CRISP2: variants seen among roughly 807,000 people sequenced by gnomAD.
CRISP2 encodes the protein cysteine-rich secretory protein 2.
CRISP2 carries 29 observed loss-of-function variants against 31.7 expected under a neutral mutation model. The ratio of observed to expected loss-of-function variants is 0.92; its 90% CI spans 0.68 to 1.25. The LOEUF (loss-of-function observed/expected upper bound fraction) is 1.25. CRISP2 is among the 50% of genes most tolerant of loss of function. CRISP2 has a pLI of 0.00. For synonymous variants in CRISP2, 111 were observed against 101.4 expected, an observed-to-expected ratio of 1.09 and a Z score of -0.57; for missense variants, 318 against 286.5, an observed-to-expected ratio of 1.11 and a Z score of -0.79.
At chr6:49,695,733 C>T in intron 9 of CRISP2, 103 bp downstream of exon 9, 1 of 971,976 alleles carries the variant, frequency 1.0e-6, no homozygotes, top group Non-Finnish European at 1.5e-6. Context: ...TTCACCAATA[C>T]ATTATTTCAA....
In CRISP2 at chr6:49,695,870, G is replaced by A. The variant is rs371237410; in HGVS notation, c.570C>T (p.Ala190=). 123 of 1,612,892 alleles carry A rather than the reference G, an allele frequency of 7.6e-5. No individual in the cohort carries two copies. Among genetic ancestry groups the A allele is most frequent in the African/African-American group, 1.2e-4 (9 of 74,976 alleles). ...NTPYQQGTPC[A]GCPDDCDKGL... is the part of the protein sequence containing the mutation. ...CTTTGTCACAGTCATCAGGGCAACC[G>A]GCACAAGGTGTTCCTTGTTGGTACG... Residue 190 remains alanine (A), a synonymous_variant, in exon 9 of 10, where the codon GCC becomes GCT. Coordinates refer to ENST00000339139, the MANE Select transcript of CRISP2 (RefSeq NM_003296.4).
rs558511264 is a variant in CRISP2 at position 49,692,754 on chromosome 6, A to G, written c.*19T>C. On this transcript the variant is annotated 3_prime_UTR_variant, in exon 10 of 10. Transcript: ENST00000339139. ...GCAGCCCTTATCCATGCAGTCTTGCACAATGCTCACTAGGTAAATCAGTAA... is the reference window on the plus strand; with the variant it reads ...GCAGCCCTTATCCATGCAGTCTTGCGCAATGCTCACTAGGTAAATCAGTAA... 1 of 1,608,932 alleles carries G rather than the reference A, an allele frequency of 6.2e-7. No homozygotes were observed. The highest frequency in any genetic ancestry group is 1.3e-5 in the African/African-American group (1 of 74,992).
Position 49,692,645 on chromosome 6 carries a change from G to C in CRISP2, c.*128C>G. ...CTGAAAGTGATTTCTGTGATGATCT[G>C]GGGGAGAAGATGCATTGCTCTTTGA... On this transcript the variant is annotated 3_prime_UTR_variant, in exon 10 of 10. Coordinates refer to ENST00000339139, the MANE Select transcript of CRISP2 (RefSeq NM_003296.4). 4.8e-6 allele frequency: 4 copies of C among 838,304 alleles called. No individual in the cohort carries two copies. Among genetic ancestry groups the C allele is most frequent in the Non-Finnish European group, 7.3e-6 (4 of 551,472 alleles). 51.9% of individuals were successfully genotyped at this position (838,304 alleles called of 1,614,324 possible).
chr6:49,698,381 A>G lies in CRISP2; in HGVS notation c.398T>C (p.Val133Ala). The G allele has an allele frequency of 6.2e-7, 1 of 1,613,234 alleles. No individual in the cohort carries two copies. Among genetic ancestry groups the G allele is most frequent in the Admixed American group, 1.7e-5 (1 of 59,860 alleles). ...YGVGPKSPNA[V>A]VGHYTQLVWY... ...TCTTACCTGAGTATAATGTCCAACA[A>G]CTGCATTGGGACTCTTTGGTCCTAC... Residue 133 changes from valine to alanine, a missense_variant, in exon 7 of 10, where the codon GTT (valine) becomes GCT (alanine). Val to Ala is a moderately conservative substitution (Grantham distance 64, BLOSUM62 0). Transcript: ENST00000339139.
At chr6:49,703,859 C>T (rs1054546454) in intron 4 of CRISP2, among the ~76,000 whole-genome samples, 2 of 152,246 alleles carry the variant, frequency 1.3e-5, no homozygotes, top group Middle Eastern at 3.4e-3. Context: ...TGATTAATTT[C>T]CCAGGTGTTC....
chr6:49,698,489 T>G lies in CRISP2; in HGVS notation c.290A>C (p.Asn97Thr). 2 of 1,610,620 alleles carry G rather than the reference T, an allele frequency of 1.2e-6. No homozygotes were observed. Among genetic ancestry groups the G allele is most frequent in the Non-Finnish European group, 1.7e-6 (2 of 1,178,808 alleles). ...AGTAGGGTCACTTGACATATAGAGA[T>G]TCTCACCACATCTTGTACCTAAGGG... ...DRKTSTRCGE[N>T]LYMSSDPTSW... Residue 97 changes from asparagine to threonine, a missense_variant, in exon 7 of 10, where the codon AAT becomes ACT. Coordinates refer to ENST00000339139, the MANE Select transcript of CRISP2 (RefSeq NM_003296.4).
chr6:49,677,598 A>G, the CRISP2 span, among the ~76,000 whole-genome samples: 1 of 152,284 alleles, frequency 6.6e-6, no homozygotes, highest in Non-Finnish European at 1.5e-5. Context: ...GTAGCTTCTT[A>G]TAATGTCCAT....
chr6:49,688,750 GTCTCATATTGATTAAGGTATTA>G (rs1466250475), downstream of CRISP2, among the ~76,000 whole-genome samples: 2 of 152,028 alleles, frequency 1.3e-5, no homozygotes. Context: ...CATTTAAAAA[GTCTCATATTGATTAAGGTATTA>G]TTAGTTGAAT....
At chr6:49,700,534 T>A in intron 5 of CRISP2, 134 bp downstream of exon 5, 2 of 684,068 alleles carry the variant, frequency 2.9e-6, no homozygotes, top group Non-Finnish European at 5.3e-6. Context: ...CCTCTCCATA[T>A]AATGGTTCAA....
chr6:49,694,371 G>T (rs1764380330), intron 9 of CRISP2, among the ~76,000 whole-genome samples: 1 of 152,138 alleles, frequency 6.6e-6, no homozygotes, highest in Non-Finnish European at 1.5e-5. Flanking sequence ...GTAGTACTGG[G>T]ACTTGAGTCT....
chr6:49,696,468 G>GGT (rs149264758), intron 8 of CRISP2, among the ~76,000 whole-genome samples: 4,120 of 151,830 alleles, frequency 0.027, 191 homozygotes, highest in African/African-American at 0.094. Flanking sequence ...AGTAGTTAGT[G>GGT]GTGTGTGTGT....
chr6:49,679,131 T>C, the CRISP2 span, among the ~76,000 whole-genome samples: 2 of 152,340 alleles, frequency 1.3e-5, no homozygotes, highest in African/African-American at 4.8e-5. Flanking sequence ...TAGATTTGCA[T>C]GAACACATTG....
intron 4 of CRISP2, among the ~76,000 whole-genome samples, chr6:49,703,798 T>A (rs1766525172): frequency 6.6e-6 from 1 of 152,192 alleles, no homozygotes; most frequent in South Asian, 2.1e-4. Context: ...CTTTTCTTGA[T>A]CTTGACTTCA....
At chr6:49,699,756 T>C (rs756379455) in intron 6 of CRISP2, 48 bp downstream of exon 6, 19 of 1,299,124 alleles carry the variant, frequency 1.5e-5, no homozygotes, top group Middle Eastern at 3.8e-4. Flanking sequence ...TGCTCTATTA[T>C]TATTTTATTC....
intron 1 of CRISP2, 132 bp downstream of exon 1, chr6:49,713,343 T>G (rs964769370): frequency 6.6e-6 from 1 of 152,244 alleles, no homozygotes; most frequent in African/African-American, 2.4e-5. Flanking sequence ...GCATTAGCTA[T>G]GTGCCCTCCA....
chr6:49,691,789 C>T (rs1441134175), downstream of CRISP2, among the ~76,000 whole-genome samples: 1 of 151,946 alleles, frequency 6.6e-6, no homozygotes, highest in African/African-American at 2.4e-5. Context: ...TTTTTGGAAG[C>T]TTTAAGATTA....
At position 49,697,671 on chromosome 6, in the gene CRISP2, T is replaced by C. The variant is rs919602248; in HGVS notation, c.515+189A>G. On this transcript the variant is annotated intron_variant, in intron 8 of 9. Coordinates refer to ENST00000339139, the MANE Select transcript of CRISP2 (RefSeq NM_003296.4). ...AATGAGGAATGAGAGCTTCAGTTTT[T>C]ATACCTGAAAGTGAGAAGTTGTTCT... The C allele has an allele frequency of 3.1e-5, 46 of 1,481,984 alleles. No individual in the cohort carries two copies. In the African/African-American group the frequency reaches 5.6e-4, roughly 18 times the overall value. 91.8% of individuals were successfully genotyped at this position (1,481,984 alleles called of 1,614,324 possible). A position where few individuals can be genotyped will look rare whatever the true frequency, so the allele number is the denominator to read the frequency against.
downstream of CRISP2, among the ~76,000 whole-genome samples, chr6:49,691,057 T>A (rs2127379557): frequency 6.6e-6 from 1 of 152,124 alleles, no homozygotes; most frequent in South Asian, 2.1e-4. Flanking sequence ...AAGGTTATTT[T>A]TTAGTCACTT....
intron 4 of CRISP2, among the ~76,000 whole-genome samples, chr6:49,701,853 AAT>A (rs1367515536): frequency 2.2e-4 from 14 of 64,946 alleles, no homozygotes; most frequent in East Asian, 8.5e-4. Context: ...TATATTATAT[AAT>A]ATATATTATT....
Sources: gnomAD v4.1 joint callset for allele counts (sites outside exome capture counted in the v4.1 genomes callset) on GRCh38, gnomAD v4.1.1 for gene constraint, MANE v1.5 for transcripts, NCBI Gene and HGNC (gene_info 2026-07-23, HGNC 2026-07-21) for gene names.